Variants in TARS3 observed in about 807,000 individuals in gnomAD.
TARS3 encodes the protein threonyl-tRNA synthetase 3, also known as threonine--tRNA ligase 2, cytoplasmic.
In TARS3, 94 loss-of-function variants were observed where a neutral mutation model predicts 103.5. That is an observed-to-expected ratio of 0.91 (90% confidence interval 0.77 to 1.08). The LOEUF (loss-of-function observed/expected upper bound fraction) is 1.08. Ranked by LOEUF, TARS3 falls within the 50% of genes least tolerant of loss-of-function variation. The probability of loss-of-function intolerance (pLI) is 0.00; values close to 1 mark genes in which losing one functional copy is unlikely to be tolerated. For missense variants in TARS3, 952 were observed against 995.2 expected (o/e 0.96, Z 0.58); for synonymous variants, 416 against 355.4 (o/e 1.17, Z -1.92).
chr15:101,677,984 AT>A (rs34335030), intron 12 of TARS3, among the ~76,000 whole-genome samples: 2,077 of 132,358 alleles, frequency 0.016, 18 homozygotes, highest in African/African-American at 0.033. Context: ...TTTGGGGGTC[AT>A]TTTTTTTTTT....
In TARS3 at chr15:101,671,732, A is replaced by G; in HGVS notation, c.1805T>C (p.Leu602Ser). The G allele has an allele frequency of 1.9e-6, 3 of 1,614,096 alleles. No individual in the cohort carries two copies. The highest frequency in any genetic ancestry group is 1.3e-5 in the African/African-American group (1 of 75,044). ...TTTCCACGGTTCTCCAAAGTCCATC[A>G]AGCTGTTCTGCAGTTGCTTTTTCAA... The part of the protein sequence containing the change: ...NEAEKQLQNS[L>S]MDFGEPWKMN... The change falls in exon 14 of 19, where the codon TTG (leucine) becomes TCG (serine). Residue 602 changes from leucine to serine, a missense_variant. Leu to Ser is a moderately radical substitution (Grantham distance 145). Around this residue, in one of 2 missense-constraint regions of TARS3, gnomAD observed 540 missense variants for 631.0 expected, o/e 0.86. Coordinates refer to ENST00000335968, the MANE Select transcript of TARS3 (RefSeq NM_152334.3).
chr15:101,699,156 A>G (rs1315987907), intron 10 of TARS3, among the ~76,000 whole-genome samples: 1 of 152,222 alleles, frequency 6.6e-6, no homozygotes, highest in Non-Finnish European at 1.5e-5. Flanking sequence ...TGACACAACC[A>G]TAATAACAAA....
chr15:101,704,281 G>A (rs1286687243), intron 7 of TARS3, among the ~76,000 whole-genome samples: 2 of 152,156 alleles, frequency 1.3e-5, no homozygotes, highest in Non-Finnish European at 2.9e-5. Flanking sequence ...TCTCTAGGGA[G>A]AGAGCTTGTA....
In TARS3 at chr15:101,661,720, G is replaced by T. The variant is rs765310519; in HGVS notation, c.2064C>A (p.Gly688=). 29 of 1,594,988 alleles carry T rather than the reference G, an allele frequency of 1.8e-5. No homozygotes were observed. The Admixed American group carries it at 4.9e-4, about 27-fold the overall frequency. ...RMIAILSENY[G]GKWPFWLSPR... is the part of the protein sequence containing the mutation. ...TTTTCCATATCACTTACCATTTTCC[G>T]CCATAGTTTTCTGAAAGAATGGCTA... Residue 688 remains glycine, a synonymous_variant, in exon 16 of 19, where the codon GGC becomes GGA. Transcript: ENST00000335968.
intron 15 of TARS3, among the ~76,000 whole-genome samples, chr15:101,668,205 A>G (rs1404022278): frequency 5.3e-5 from 8 of 152,160 alleles, no homozygotes; most frequent in Non-Finnish European, 1.2e-4. Context: ...TTCCTCACCA[A>G]GCTTAATCAT....
chr15:101,669,887 C>G (rs1216607814), intron 15 of TARS3, among the ~76,000 whole-genome samples: 2 of 152,176 alleles, frequency 1.3e-5, no homozygotes, highest in African/African-American at 4.8e-5. Flanking sequence ...ATATATATGT[C>G]CAACTAATTT....
At chr15:101,656,175 G>A (rs1285529410) in intron 18 of TARS3, among the ~76,000 whole-genome samples, 1 of 152,218 alleles carries the variant, frequency 6.6e-6, no homozygotes, top group Admixed American at 6.5e-5. Context: ...TTCATGTCAT[G>A]GGATACTCCA....
chr15:101,701,091 T>C lies in TARS3; in HGVS notation c.1315A>G (p.Ile439Val), dbSNP rs150805412. ...ACATTTTAAAGTTAACTTACTCGTA[T>C]GAAATCTGTAAGCGTATTATAAATG... is the stretch of plus-strand genomic sequence containing the variant. ...AFIYNTLTDF[I>V]REEYHKRDFT... Residue 439 changes from isoleucine to valine, a missense_variant, in exon 10 of 19, where the codon ATA becomes GTA. Coordinates refer to ENST00000335968, the MANE Select transcript of TARS3 (RefSeq NM_152334.3). The C allele has an allele frequency of 2.6e-6, 4 of 1,542,126 alleles. No homozygotes were observed. The highest frequency in any genetic ancestry group is 2.6e-6 in the Non-Finnish European group (3 of 1,146,688).
intron 12 of TARS3, among the ~76,000 whole-genome samples, chr15:101,681,616 T>C (rs1195484134): frequency 1.3e-5 from 2 of 152,216 alleles, no homozygotes; most frequent in African/African-American, 4.8e-5. Flanking sequence ...GCTGATTCAG[T>C]TCCCTGGTGA....
chr15:101,666,474 C>CAAAAAAAAAAAAAAAAAAAAAAAAAA (rs11450994), intron 15 of TARS3, among the ~76,000 whole-genome samples: 1 of 45,620 alleles, frequency 2.2e-5, no homozygotes, highest in African/African-American at 7.9e-5. Flanking sequence ...AGACTCATCT[C>CAAAAAAAAAAAAAAAAAAAAAAAAAA]AAAAAAAAAA....
intron 12 of TARS3, among the ~76,000 whole-genome samples, chr15:101,683,855 T>A (rs1172795608): frequency 1.3e-5 from 2 of 152,178 alleles, no homozygotes; most frequent in African/African-American, 4.8e-5. Context: ...CTCCACTTAA[T>A]GGAATTTAGG....
In TARS3 at chr15:101,694,983, G is replaced by GA. The variant is rs557327621; in HGVS notation, c.1320+6102dup. ...TGGCGAGTTTCGGATTTGCAACGTGGAAAGAGTTCTGGAGATGGACCATGA... is the reference window on the plus strand; with the variant it reads ...TGGCGAGTTTCGGATTTGCAACGTGGAAAAGAGTTCTGGAGATGGACCATGA... On this transcript the variant is annotated intron_variant, in intron 10 of 18. Coordinates refer to ENST00000335968, the MANE Select transcript of TARS3 (RefSeq NM_152334.3). 2.2e-4 allele frequency among the ~76,000 whole-genome samples: 34 copies of GA among 152,324 alleles called. 1 individual carries two copies. In the South Asian group the frequency reaches 7.0e-3, roughly 32 times the overall value.
chr15:101,724,436 G>A lies in TARS3; in HGVS notation c.-49C>T. On this transcript the variant is annotated 5_prime_UTR_variant, in exon 1 of 19. Coordinates refer to ENST00000335968, the MANE Select transcript of TARS3 (RefSeq NM_152334.3). ...GCCGAGCGGGGTGCCCGCGACTGCG[G>A]CGAGGGCGACGCGGACACTCAGCGC... 1.2e-5 allele frequency: 16 copies of A among 1,356,660 alleles called. No individual in the cohort carries two copies. The South Asian group carries it at 2.9e-4, about 25-fold the overall frequency. 84.0% of individuals were successfully genotyped at this position (1,356,660 alleles called of 1,614,324 possible). A position where few individuals can be genotyped will look rare whatever the true frequency, so the allele number is the denominator to read the frequency against.
chr15:101,681,891 C>G (rs1311581262), intron 12 of TARS3, among the ~76,000 whole-genome samples: 1 of 152,074 alleles, frequency 6.6e-6, no homozygotes, highest in Non-Finnish European at 1.5e-5. Context: ...TCCCAAAGTA[C>G]TATCATATGT....
At chr15:101,705,220 T>C (rs1268529363) in intron 7 of TARS3, among the ~76,000 whole-genome samples, 1 of 152,332 alleles carries the variant, frequency 6.6e-6, no homozygotes, top group East Asian at 1.9e-4. Flanking sequence ...TCCCAGTATT[T>C]TCTTTTGGTC....
chr15:101,692,941 G>A (rs756181890), intron 10 of TARS3, among the ~76,000 whole-genome samples: 1 of 152,070 alleles, frequency 6.6e-6, no homozygotes, highest in Non-Finnish European at 1.5e-5. Flanking sequence ...TGAAGAGGAA[G>A]CAAAAATTCC....
At chr15:101,704,250 T>C (rs575808422) in intron 7 of TARS3, among the ~76,000 whole-genome samples, 3 of 152,194 alleles carry the variant, frequency 2.0e-5, no homozygotes, top group African/African-American at 4.8e-5. Context: ...TCTCTCTCAA[T>C]GGTCAGTCTT....
chr15:101,717,028 TG>T (rs1238561852), intron 3 of TARS3, among the ~76,000 whole-genome samples: 1 of 152,258 alleles, frequency 6.6e-6, no homozygotes, highest in South Asian at 2.1e-4. Context: ...GGCTACTTTT[TG>T]TATTTGTAGT....
chr15:101,687,906 G>A (rs1272888123), intron 10 of TARS3, among the ~76,000 whole-genome samples: 1 of 152,110 alleles, frequency 6.6e-6, no homozygotes, highest in Admixed American at 6.5e-5. Flanking sequence ...CAACCTGGAA[G>A]AGGGCCCTCA....
Sources: allele counts gnomAD v4.1 joint callset (sites outside exome capture counted in the v4.1 genomes callset), GRCh38; gene constraint gnomAD v4.1.1; regional missense constraint gnomAD v4.1.1; transcripts MANE v1.5; gene names NCBI Gene and HGNC (gene_info 2026-07-23, HGNC 2026-07-21).